SLC9A9: variants seen among roughly 807,000 people sequenced by gnomAD.
SLC9A9 encodes the protein solute carrier family 9 member A9.
A neutral mutation model predicts 77.8 loss-of-function variants in SLC9A9; 62 were observed. The ratio of observed to expected loss-of-function variants is 0.80; its 90% CI spans 0.65 to 0.98. The LOEUF (loss-of-function observed/expected upper bound fraction) is 0.98, where lower values mean the gene tolerates loss of function less well. Among genes scored for constraint, SLC9A9 ranks in the 50% least tolerant of loss-of-function variants. The pLI, the probability that SLC9A9 is intolerant of heterozygous loss-of-function variation, is 0.00. For missense variants in SLC9A9, 775 were observed against 774.9 expected, an observed-to-expected ratio of 1.00 and a Z score of 0.00; for synonymous variants, 320 against 283.5, an observed-to-expected ratio of 1.13 and a Z score of -1.29.
chr3:143,297,811 C>T (rs1198850418), intron 14 of SLC9A9, among the ~76,000 whole-genome samples: 3 of 152,196 alleles, frequency 2.0e-5, no homozygotes, highest in Non-Finnish European at 2.9e-5. Flanking sequence ...AGAAACACAA[C>T]TGATTTTTAT....
At chr3:143,771,783 C>T (rs1357601624) in intron 4 of SLC9A9, among the ~76,000 whole-genome samples, 1 of 152,202 alleles carries the variant, frequency 6.6e-6, no homozygotes, top group East Asian at 1.9e-4. Context: ...CTCTTTTCTC[C>T]TCTTGTCATT....
intron 4 of SLC9A9, among the ~76,000 whole-genome samples, chr3:143,713,757 G>C (rs1469499672): frequency 6.6e-6 from 1 of 152,120 alleles, no homozygotes; most frequent in Non-Finnish European, 1.5e-5. Flanking sequence ...TGTACTTGAG[G>C]GAGCAAATTT....
Position 143,423,242 on chromosome 3 carries a change from C to T in SLC9A9, c.1470-41128G>A, listed in dbSNP as rs574038657. Among the ~76,000 whole-genome samples the T allele has an allele frequency of 4.3e-4, 54 of 125,568 alleles. 1 individual carries two copies. The Middle Eastern group carries it at 0.012, about 27-fold the overall frequency. 82.4% of individuals were successfully genotyped at this position (125,568 alleles called of 152,430 possible). A position where few individuals can be genotyped will look rare whatever the true frequency, so the allele number is the denominator to read the frequency against. ...ACACACACACACACGTGTACACACG[C>T]GCGTGTACACACACACACACACACA... On this transcript the variant is annotated intron_variant, in intron 12 of 15. Transcript: ENST00000316549.
chr3:143,336,804 A>T (rs2883015), intron 14 of SLC9A9, among the ~76,000 whole-genome samples: 1 of 151,980 alleles, frequency 6.6e-6, no homozygotes, highest in African/African-American at 2.4e-5. Flanking sequence ...AAAGTTCTAG[A>T]GATCGGTTTT....
At chr3:143,655,619 A>T in intron 5 of SLC9A9, 6 of 985,080 alleles carry the variant, frequency 6.1e-6, no homozygotes, top group Non-Finnish European at 7.2e-6. Context: ...TTGTCTTTCA[A>T]ATTGATAATA....
intron 14 of SLC9A9, among the ~76,000 whole-genome samples, chr3:143,324,090 GC>G (rs1410040680): frequency 6.6e-6 from 1 of 152,070 alleles, no homozygotes; most frequent in East Asian, 1.9e-4. Flanking sequence ...AGAGGCAGCT[GC>G]TTTTCGCTAT....
chr3:143,560,287 G>T (rs76584616), intron 8 of SLC9A9, among the ~76,000 whole-genome samples: 3,581 of 152,196 alleles, frequency 0.024, 126 homozygotes, highest in East Asian at 0.17. Flanking sequence ...TAACGGTCTG[G>T]GTCTAGGTAT....
chr3:143,451,339 C>A (rs1242426670), intron 12 of SLC9A9, among the ~76,000 whole-genome samples: 1 of 152,114 alleles, frequency 6.6e-6, no homozygotes, highest in East Asian at 1.9e-4. Context: ...TTGGTAGAAT[C>A]CAGCACTTAT....
intron 4 of SLC9A9, among the ~76,000 whole-genome samples, chr3:143,699,869 C>T (rs1933746498): frequency 6.6e-6 from 1 of 151,982 alleles, no homozygotes. Context: ...AATGCGGTGC[C>T]TGTGTGACCC....
intron 4 of SLC9A9, among the ~76,000 whole-genome samples, chr3:143,767,671 G>A (rs2007370350): frequency 6.6e-6 from 1 of 152,040 alleles, no homozygotes; most frequent in South Asian, 2.1e-4. Flanking sequence ...TTCTTTAATA[G>A]CAAGTGTGTT....
At chr3:143,798,334 C>A (rs2008449280) in intron 2 of SLC9A9, among the ~76,000 whole-genome samples, 1 of 152,158 alleles carries the variant, frequency 6.6e-6, no homozygotes, top group Admixed American at 6.5e-5. Flanking sequence ...TGATTATTCA[C>A]CCACATTCCA....
At chr3:143,396,512 C>T (rs1457832847) in intron 12 of SLC9A9, among the ~76,000 whole-genome samples, 1 of 152,118 alleles carries the variant, frequency 6.6e-6, no homozygotes, top group Non-Finnish European at 1.5e-5. Flanking sequence ...TTAATGGGTG[C>T]AGCACACCAA....
At position 143,363,495 on chromosome 3, in the gene SLC9A9, G is replaced by T. The variant is rs755000797; in HGVS notation, c.1593C>A (p.Ser531Arg). The stretch of plus-strand genomic sequence containing the variant: ...TTATCAAAGGATACTTGTGGTCAAA[G>T]CTATACCACATTCTGAAGAGCCGAG... ...ESARLFRMWY[S>R]FDHKYLKPIL... Residue 531 changes from serine (S) to arginine (R), a missense_variant, in exon 14 of 16, where the codon AGC (serine) becomes AGA (arginine). Physicochemically the swap from Ser to Arg is moderately radical, Grantham distance 110. Transcript: ENST00000316549. 4.3e-6 allele frequency: 7 copies of T among 1,612,422 alleles called. No homozygotes were observed. In the South Asian group the frequency reaches 5.5e-5, roughly 13 times the overall value.
intron 6 of SLC9A9, among the ~76,000 whole-genome samples, chr3:143,589,184 A>G (rs2037608203): frequency 2.6e-5 from 4 of 152,222 alleles, no homozygotes; most frequent in Non-Finnish European, 2.9e-5. Context: ...CTATGTGTCA[A>G]GCACTATGTT....
intron 8 of SLC9A9, among the ~76,000 whole-genome samples, chr3:143,563,314 C>T (rs113485838): frequency 8.1e-4 from 123 of 152,252 alleles, no homozygotes; most frequent in Admixed American, 2.7e-3. Context: ...TACTGTTCTC[C>T]ATGACTTCCA....
At chr3:143,455,480 A>G (rs1271160260) in intron 12 of SLC9A9, among the ~76,000 whole-genome samples, 1 of 152,188 alleles carries the variant, frequency 6.6e-6, no homozygotes, top group African/African-American at 2.4e-5. Flanking sequence ...TTAGAATTGT[A>G]TGAAATCTCT....
intron 5 of SLC9A9, among the ~76,000 whole-genome samples, chr3:143,670,123 G>C (rs2039134890): frequency 6.6e-6 from 1 of 152,180 alleles, no homozygotes; most frequent in Non-Finnish European, 1.5e-5. Flanking sequence ...GGAAAGAACA[G>C]TTCCTATTCT....
At chr3:143,739,877 G>A (rs1935035733) in intron 4 of SLC9A9, among the ~76,000 whole-genome samples, 1 of 152,206 alleles carries the variant, frequency 6.6e-6, no homozygotes, top group African/African-American at 2.4e-5. Context: ...CTTACTGGAA[G>A]TAAGCCTCAA....
intron 6 of SLC9A9, among the ~76,000 whole-genome samples, chr3:143,620,875 G>A (rs2038194811): frequency 1.3e-5 from 2 of 152,170 alleles, no homozygotes; most frequent in Admixed American, 6.5e-5. Flanking sequence ...GTCGAAGAAA[G>A]GGGTGACAGA....
Sources: gnomAD v4.1 joint callset for allele counts (sites outside exome capture counted in the v4.1 genomes callset) on GRCh38, gnomAD v4.1.1 for gene constraint, MANE v1.5 for transcripts, NCBI Gene and HGNC (gene_info 2026-07-23, HGNC 2026-07-21) for gene names.